MEGF6: variants seen among roughly 807,000 people sequenced by gnomAD.
MEGF6 encodes multiple epidermal growth factor-like domains protein 6.
A neutral mutation model predicts 207.1 loss-of-function variants in MEGF6; 184 were observed. The observed-to-expected ratio is 0.89, with a 90% CI of 0.79 to 1.00. The LOEUF (loss-of-function observed/expected upper bound fraction) is 1.00. Ranked by LOEUF, MEGF6 falls within the 50% of genes least tolerant of loss-of-function variation. The probability of loss-of-function intolerance (pLI) is 0.00; values close to 1 mark genes in which losing one functional copy is unlikely to be tolerated. For missense variants in MEGF6, 2,282 were observed against 2,202.9 expected, an observed-to-expected ratio of 1.04 and a Z score of -0.72; for synonymous variants, 1,038 against 910.0, an observed-to-expected ratio of 1.14 and a Z score of -2.53.
chr1:3,517,815 C>A (rs1641603678), intron 5 of MEGF6, among the ~76,000 whole-genome samples: 2 of 152,240 alleles, frequency 1.3e-5, no homozygotes, highest in South Asian at 4.1e-4. Context: ...TGTCTGTGCT[C>A]CACAGCCCTC....
the MEGF6 span, among the ~76,000 whole-genome samples, chr1:3,621,300 C>T: frequency 6.6e-6 from 1 of 152,232 alleles, no homozygotes; most frequent in Non-Finnish European, 1.5e-5. Flanking sequence ...TAACAGGCGT[C>T]TTCCCAGACG....
intron 4 of MEGF6, among the ~76,000 whole-genome samples, chr1:3,561,914 C>A (rs1175740281): frequency 6.6e-6 from 1 of 152,378 alleles, no homozygotes; most frequent in East Asian, 1.9e-4. Context: ...GACAAAATGT[C>A]AAAGGAAGGA....
intron 5 of MEGF6, among the ~76,000 whole-genome samples, chr1:3,523,389 G>A (rs72853539): frequency 2.0e-5 from 3 of 152,126 alleles, no homozygotes; most frequent in Admixed American, 6.5e-5. Context: ...GCTCAGCCCT[G>A]TGCCGGTTCC....
chr1:3,504,980 G>A (rs114435999), intron 17 of MEGF6, among the ~76,000 whole-genome samples: 2,059 of 152,270 alleles, frequency 0.014, 39 homozygotes, highest in African/African-American at 0.048. Context: ...AGCAGCTGCT[G>A]CCCTGAGCAG....
chr1:3,567,570 C>T (rs1309681857), intron 4 of MEGF6, among the ~76,000 whole-genome samples: 1 of 152,220 alleles, frequency 6.6e-6, no homozygotes, highest in African/African-American at 2.4e-5. Context: ...TGCCAGCCAG[C>T]ACCGCGCAGC....
chr1:3,510,762 C>T (rs1570002442), intron 10 of MEGF6, 21 bp downstream of exon 10: 1 of 1,586,918 alleles, frequency 6.3e-7, no homozygotes, highest in Non-Finnish European at 8.6e-7. Flanking sequence ...CCCAGCTGTG[C>T]AGTGGCAGGG....
chr1:3,568,289 T>C (rs1267132491), intron 4 of MEGF6, among the ~76,000 whole-genome samples: 2 of 150,626 alleles, frequency 1.3e-5, no homozygotes, highest in Non-Finnish European at 3.0e-5. Flanking sequence ...ACCCAGTGTG[T>C]GCTTGGGTAA....
upstream of MEGF6, among the ~76,000 whole-genome samples, chr1:3,614,166 C>T (rs557314334): frequency 1.4e-4 from 21 of 152,336 alleles, no homozygotes; most frequent in African/African-American, 5.1e-4. Flanking sequence ...CATTCTCAGG[C>T]ACAGCAGGCA....
At chr1:3,596,827 C>T (rs1221705799) in intron 2 of MEGF6, among the ~76,000 whole-genome samples, 1 of 152,074 alleles carries the variant, frequency 6.6e-6, no homozygotes, top group Admixed American at 6.5e-5. Context: ...TGGAACTCAC[C>T]CTGAGTGGGA....
Position 3,494,447 on chromosome 1 carries a change from G to T in MEGF6, c.4053C>A (p.His1351Gln). ...TGGCAGGCTCACACGTGCTGTTGTT[G>T]TGGCAGGAGCACTCCAGATGGCAGG... is the stretch of plus-strand genomic sequence containing the variant. ...GAACHLECSCHNNSTCEPATG... is the reference protein window; with the variant it reads ...GAACHLECSCQNNSTCEPATG... The change falls in exon 32 of 37, where the codon CAC becomes CAA. Residue 1351 changes from histidine (H) to glutamine (Q), a missense_variant. His to Gln is a conservative substitution (Grantham distance 24, BLOSUM62 0). Coordinates refer to ENST00000356575, the MANE Select transcript of MEGF6 (RefSeq NM_001409.4). 6.4e-7 allele frequency: 1 copy of T among 1,571,716 alleles called. No individual in the cohort carries two copies.
chr1:3,609,940 C>A (rs536623987), intron 1 of MEGF6, among the ~76,000 whole-genome samples: 185 of 152,364 alleles, frequency 1.2e-3, no homozygotes, highest in Non-Finnish European at 2.3e-3. Flanking sequence ...GGAGCCTATG[C>A]CCCTGGAAGC....
intron 4 of MEGF6, among the ~76,000 whole-genome samples, chr1:3,524,750 A>G (rs1159675470): frequency 6.6e-6 from 1 of 152,198 alleles, no homozygotes; most frequent in African/African-American, 2.4e-5. Context: ...GGAGCCTTCC[A>G]GTGAGGCCTT....
At chr1:3,534,896 G>C (rs1002420658) in intron 4 of MEGF6, among the ~76,000 whole-genome samples, 1 of 152,058 alleles carries the variant, frequency 6.6e-6, no homozygotes, top group Non-Finnish European at 1.5e-5. Flanking sequence ...ATTCCCCTTG[G>C]GGCTGCCATC....
At chr1:3,547,632 C>T (rs752596877) in intron 4 of MEGF6, among the ~76,000 whole-genome samples, 8 of 152,306 alleles carry the variant, frequency 5.3e-5, no homozygotes, top group South Asian at 2.1e-4. Flanking sequence ...CTTCCTGGCG[C>T]GTCTCTGGGG....
intron 4 of MEGF6, among the ~76,000 whole-genome samples, chr1:3,546,739 T>C (rs1371126130): frequency 1.2e-5 from 1 of 83,996 alleles, no homozygotes; most frequent in African/African-American, 4.7e-5. Context: ...GGCAGCGGGC[T>C]GGGAAGGAGG....
rs760164399 is a variant in MEGF6, at chr1:3,501,226, G to A, written c.2397C>T (p.Thr799=). ...AGCCAGGGAGGCACAGGCAGGCTCC[G>A]GTCTCAGGGTCGCAGCGGGCAGCGT... ...CQHAARCDPE[T]GACLCLPGFV... The change falls in exon 19 of 37, where the codon ACC becomes ACT. Residue 799 remains threonine, a synonymous_variant. Transcript: ENST00000356575. The A allele has an allele frequency of 2.2e-4, 362 of 1,611,780 alleles. No homozygotes were observed. The highest frequency in any genetic ancestry group is 4.5e-4 in the Admixed American group (27 of 59,916).
chr1:3,549,282 G>A (rs868483280), intron 4 of MEGF6, among the ~76,000 whole-genome samples: 6 of 152,156 alleles, frequency 3.9e-5, no homozygotes, highest in African/African-American at 2.4e-5. Context: ...GCCAGAGCCC[G>A]ACAAGGCAGC....
chr1:3,496,070 G>T, intron 29 of MEGF6, 52 bp from the exon 30 acceptor site: 1 of 1,464,700 alleles, frequency 6.8e-7, no homozygotes, highest in South Asian at 1.4e-5. Flanking sequence ...CTCCCTGCCC[G>T]GTCAACCCCG....
In MEGF6 at chr1:3,560,138, T is replaced by C. The variant is rs1049192836; in HGVS notation, c.481+19687A>G. Among the ~76,000 whole-genome samples the C allele has an allele frequency of 6.6e-6, 1 of 151,856 alleles. No individual in the cohort carries two copies. The highest frequency in any genetic ancestry group is 1.5e-5 in the Non-Finnish European group (1 of 67,938). On this transcript the variant is annotated intron_variant, in intron 4 of 36. Coordinates refer to ENST00000356575, the MANE Select transcript of MEGF6 (RefSeq NM_001409.4). This position sits in a 1 kb window ranked among gnomAD's most constrained non-coding sequence, Gnocchi z 4.0. ...AGAGGGCAAAGAAGGCTGGGCTTTT[T>C]TTTTTTCTTTTAACTAATAGATTTT... is the stretch of plus-strand genomic sequence containing the variant.
Sources: allele counts gnomAD v4.1 joint callset (sites outside exome capture counted in the v4.1 genomes callset), GRCh38; gene constraint gnomAD v4.1.1; non-coding constraint Gnocchi (gnomAD v3.1); transcripts MANE v1.5; gene names NCBI Gene and HGNC (gene_info 2026-07-23, HGNC 2026-07-21).